GHR: variants seen among roughly 807,000 people sequenced by gnomAD.
The protein encoded by GHR is growth hormone receptor.
In GHR, 35 loss-of-function variants were observed where a neutral mutation model predicts 67.1. The observed-to-expected ratio is 0.52, with a 90% CI of 0.40 to 0.69. GHR has a LOEUF of 0.69. Ranked by LOEUF, GHR falls within the 30% of genes least tolerant of loss-of-function variation. The pLI, the probability that GHR is intolerant of heterozygous loss-of-function variation, is 0.00. For missense variants in GHR, 792 were observed against 764.6 expected, an observed-to-expected ratio of 1.04 and a Z score of -0.42; for synonymous variants, 272 against 269.1, an observed-to-expected ratio of 1.01 and a Z score of -0.10.
rs574308777 is a variant in GHR at position 42,680,409 on chromosome 5, G to A, written c.137-8481G>A. 4.4e-4 allele frequency among the ~76,000 whole-genome samples: 67 copies of A among 151,858 alleles called. No homozygotes were observed. The South Asian group carries it at 4.8e-3, about 11-fold the overall frequency. ...TAGCAGAACCCATATCCACCATAAC[G>A]GGCCAAAAGTCATTTGATCCAATGT... On this transcript the variant is annotated intron_variant, in intron 3 of 9. Transcript: ENST00000230882.
chr5:42,497,469 G>T (rs758379043), intron 1 of GHR, among the ~76,000 whole-genome samples: 3 of 152,092 alleles, frequency 2.0e-5, no homozygotes, highest in Non-Finnish European at 2.9e-5. Flanking sequence ...AGTGTTTCTT[G>T]TTCAGTTTTG....
At chr5:42,496,687 A>G (rs1746334569) in intron 1 of GHR, among the ~76,000 whole-genome samples, 1 of 152,208 alleles carries the variant, frequency 6.6e-6, no homozygotes, top group African/African-American at 2.4e-5. Flanking sequence ...ATATTCTGAC[A>G]GAAAATCCAT....
At chr5:42,576,046 T>TAAAATAAAATAA (rs66522211) in intron 2 of GHR, among the ~76,000 whole-genome samples, 1 of 55,884 alleles carries the variant, frequency 1.8e-5, no homozygotes, top group Non-Finnish European at 3.5e-5. Flanking sequence ...AAAATTAAAA[T>TAAAATAAAATAA]AATAAAATAA....
At chr5:42,695,228 T>C (rs1213948216) in intron 5 of GHR, 139 bp downstream of exon 5, 2 of 696,722 alleles carry the variant, frequency 2.9e-6, no homozygotes, top group African/African-American at 1.8e-5. Flanking sequence ...TTACAGGAGA[T>C]GGGATCAGCT....
intron 1 of GHR, among the ~76,000 whole-genome samples, chr5:42,495,211 C>T (rs1033692934): frequency 6.6e-6 from 1 of 151,902 alleles, no homozygotes; most frequent in Non-Finnish European, 1.5e-5. Flanking sequence ...GATGTGCCCA[C>T]ACCACATTCA....
intron 1 of GHR, among the ~76,000 whole-genome samples, chr5:42,429,905 C>A (rs1354236065): frequency 6.6e-6 from 1 of 152,192 alleles, no homozygotes; most frequent in African/African-American, 2.4e-5. Context: ...AAGGCTTGTT[C>A]TGCCAAAGTC....
At chr5:42,475,788 A>G (rs1369402889) in intron 1 of GHR, among the ~76,000 whole-genome samples, 4 of 152,158 alleles carry the variant, frequency 2.6e-5, no homozygotes, top group African/African-American at 9.7e-5. Flanking sequence ...CATAATCCCA[A>G]CAGCATTTGA....
At chr5:42,579,128 TAGATAGATAGA>T (rs1750971034) in intron 2 of GHR, among the ~76,000 whole-genome samples, 1 of 83,562 alleles carries the variant, frequency 1.2e-5, no homozygotes, top group Non-Finnish European at 2.5e-5. Context: ...GATAGATAGA[TAGATAGATAGA>T]TGATAGATAG....
intron 3 of GHR, among the ~76,000 whole-genome samples, chr5:42,633,413 TAGA>T (rs1349607195): frequency 6.6e-6 from 1 of 152,226 alleles, no homozygotes; most frequent in African/African-American, 2.4e-5. Context: ...GCTTGAATGC[TAGA>T]AGTTCACAAA....
In GHR at chr5:42,471,310, C is replaced by G. The variant is rs558389701; in HGVS notation, c.-12+47355C>G. 3.3e-5 allele frequency among the ~76,000 whole-genome samples: 5 copies of G among 152,276 alleles called. No homozygotes were observed. The East Asian group carries it at 7.7e-4, about 24-fold the overall frequency. On this transcript the variant is annotated intron_variant, in intron 1 of 9. Coordinates refer to ENST00000230882, the MANE Select transcript of GHR (RefSeq NM_000163.5). ...TTCAAATCAACTCAAGGCATCCACTCTATGTTCAAAATGCCATGTTTTGAG... is the reference window on the plus strand; with the variant it reads ...TTCAAATCAACTCAAGGCATCCACTGTATGTTCAAAATGCCATGTTTTGAG...
At chr5:42,438,284 G>A (rs1743420343) in intron 1 of GHR, among the ~76,000 whole-genome samples, 1 of 152,188 alleles carries the variant, frequency 6.6e-6, no homozygotes, top group Non-Finnish European at 1.5e-5. Context: ...CAGCTGGTAA[G>A]TCGCACAGTG....
At chr5:42,523,276 C>CAGGT (rs1190376615) in intron 1 of GHR, among the ~76,000 whole-genome samples, 1 of 152,108 alleles carries the variant, frequency 6.6e-6, no homozygotes, top group East Asian at 1.9e-4. Context: ...AAGTCGTATA[C>CAGGT]AGGTATACAT....
At chr5:42,544,162 C>A (rs1414516848) in intron 1 of GHR, among the ~76,000 whole-genome samples, 1 of 152,060 alleles carries the variant, frequency 6.6e-6, no homozygotes, top group Non-Finnish European at 1.5e-5. Context: ...ATGCCCTCAT[C>A]CCTAAAGAAT....
intron 2 of GHR, among the ~76,000 whole-genome samples, chr5:42,591,667 C>T (rs934822605): frequency 1.5e-4 from 23 of 152,034 alleles, no homozygotes; most frequent in Admixed American, 7.9e-4. Flanking sequence ...TTCCCATGCC[C>T]CTCAGACTCA....
chr5:42,440,708 A>C (rs1278439646), intron 1 of GHR, among the ~76,000 whole-genome samples: 1 of 152,214 alleles, frequency 6.6e-6, no homozygotes, highest in Non-Finnish European at 1.5e-5. Flanking sequence ...CTGGTTTATG[A>C]GTCTGTTGTA....
chr5:42,585,970 C>T (rs1228212435), intron 2 of GHR, among the ~76,000 whole-genome samples: 2 of 152,198 alleles, frequency 1.3e-5, no homozygotes, highest in East Asian at 3.9e-4. Context: ...TTCTCTGTGC[C>T]TCAGTTTCTT....
intron 3 of GHR, among the ~76,000 whole-genome samples, chr5:42,636,743 C>T (rs1754213575): frequency 6.6e-6 from 1 of 152,150 alleles, no homozygotes; most frequent in African/African-American, 2.4e-5. Flanking sequence ...ACTTAACCTA[C>T]ACACTGAGAA....
At chr5:42,620,554 A>C (rs1753389807) in intron 2 of GHR, among the ~76,000 whole-genome samples, 1 of 152,190 alleles carries the variant, frequency 6.6e-6, no homozygotes. Flanking sequence ...GATGGATCCC[A>C]ACTAGGAGAA....
intron 1 of GHR, among the ~76,000 whole-genome samples, chr5:42,560,196 A>G (rs1749526604): frequency 6.6e-6 from 1 of 152,106 alleles, no homozygotes; most frequent in Admixed American, 6.5e-5. Flanking sequence ...GGCTTAATAA[A>G]CTGTTTTTTC....
Sources: gnomAD v4.1 joint callset for allele counts (sites outside exome capture counted in the v4.1 genomes callset) on GRCh38, gnomAD v4.1.1 for gene constraint, MANE v1.5 for transcripts, NCBI Gene and HGNC (gene_info 2026-07-23, HGNC 2026-07-21) for gene names.